The following FAM81A variants were observed in gnomAD, a reference collection of about 807,000 sequenced individuals.
FAM81A encodes the protein protein FAM81A.
FAM81A carries 19 observed loss-of-function variants against 46.7 expected under a neutral mutation model. The observed-to-expected ratio is 0.41, with a 90% CI of 0.28 to 0.60. The LOEUF (loss-of-function observed/expected upper bound fraction) is 0.60, where lower values mean the gene tolerates loss of function less well. Ranked by LOEUF, FAM81A falls within the 20% of genes least tolerant of loss-of-function variation. The pLI, the probability that FAM81A is intolerant of heterozygous loss-of-function variation, is 0.34. For missense variants in FAM81A, 377 were observed against 453.5 expected (o/e 0.83, Z 1.53); for synonymous variants, 183 against 152.9 (o/e 1.20, Z -1.45).
At chr15:59,452,318 A>C (rs1173363997) in intron 1 of FAM81A, among the ~76,000 whole-genome samples, 2 of 152,208 alleles carry the variant, frequency 1.3e-5, no homozygotes, top group Admixed American at 1.3e-4. Context: ...CAATTATGGG[A>C]GATCCATTCA....
chr15:59,419,647 G>A (rs965856093), intron 2 of FAM81A, among the ~76,000 whole-genome samples: 2 of 152,174 alleles, frequency 1.3e-5, no homozygotes, highest in African/African-American at 2.4e-5. Flanking sequence ...GCCGAGGCGG[G>A]CAGATTGCTT....
At chr15:59,401,927 C>T in intron 1 of FAM81A, 1 of 753,370 alleles carries the variant, frequency 1.3e-6, no homozygotes, top group South Asian at 1.4e-5. Flanking sequence ...GACTTTCTTT[C>T]TTTCTCTTTT....
intron 2 of FAM81A, chr15:59,407,203 C>A: frequency 1.3e-5 from 2 of 154,432 alleles, no homozygotes; most frequent in South Asian, 3.6e-4. Flanking sequence ...CTTACCTTCC[C>A]CTTGATAATG....
At chr15:59,425,257 T>A (rs1397327876) in intron 2 of FAM81A, among the ~76,000 whole-genome samples, 1 of 152,170 alleles carries the variant, frequency 6.6e-6, no homozygotes, top group Non-Finnish European at 1.5e-5. Flanking sequence ...TCTAGGTGCT[T>A]GATGGATGAA....
intron 1 of FAM81A, among the ~76,000 whole-genome samples, chr15:59,447,312 A>G (rs1227460347): frequency 2.6e-5 from 4 of 152,178 alleles, no homozygotes; most frequent in African/African-American, 4.8e-5. Context: ...AAGGATGCCT[A>G]ATGTCTTAGA....
chr15:59,413,708 G>T (rs1296995103), intron 2 of FAM81A, among the ~76,000 whole-genome samples: 1 of 152,098 alleles, frequency 6.6e-6, no homozygotes, highest in African/African-American at 2.4e-5. Context: ...ATAGCTTGAG[G>T]CCAGAGTCTG....
At chr15:59,489,189 T>C (rs1012522198) in intron 3 of FAM81A, among the ~76,000 whole-genome samples, 1 of 151,910 alleles carries the variant, frequency 6.6e-6, no homozygotes, top group Non-Finnish European at 1.5e-5. Flanking sequence ...GGCATGAACC[T>C]GGGAGGCGGA....
At chr15:59,519,468 C>T in intron 8 of FAM81A, among the ~76,000 whole-genome samples, 1 of 148,692 alleles carries the variant, frequency 6.7e-6, no homozygotes, top group Admixed American at 6.7e-5. Flanking sequence ...CCCTCCCTCC[C>T]TCCTTTCCTT....
At chr15:59,476,798 T>C (rs181247975) in intron 3 of FAM81A, among the ~76,000 whole-genome samples, 84 of 148,054 alleles carry the variant, frequency 5.7e-4, no homozygotes, top group African/African-American at 2.0e-3. Flanking sequence ...TCTAAATAAA[T>C]AAATAAATTG....
At chr15:59,462,028 C>T (rs2081557318) in intron 3 of FAM81A, among the ~76,000 whole-genome samples, 1 of 151,892 alleles carries the variant, frequency 6.6e-6, no homozygotes, top group Admixed American at 6.6e-5. Flanking sequence ...ACAGTGAAAC[C>T]CCATCTCTAC....
chr15:59,433,772 T>C (rs1258385154), upstream of FAM81A, among the ~76,000 whole-genome samples: 1 of 152,250 alleles, frequency 6.6e-6, no homozygotes, highest in Non-Finnish European at 1.5e-5. Context: ...TAGTTGGTTA[T>C]TCACAGAATA....
intron 3 of FAM81A, among the ~76,000 whole-genome samples, chr15:59,463,744 T>C (rs1163608633): frequency 3.5e-5 from 2 of 57,876 alleles, no homozygotes; most frequent in African/African-American, 9.2e-5. Flanking sequence ...TTGGGGAGAG[T>C]TGCCATCTTA....
intron 3 of FAM81A, among the ~76,000 whole-genome samples, chr15:59,487,466 C>G (rs940907498): frequency 6.6e-6 from 1 of 150,814 alleles, no homozygotes; most frequent in African/African-American, 2.4e-5. Context: ...ATCAATGAAA[C>G]AAAAAGTTGG....
intron 1 of FAM81A, among the ~76,000 whole-genome samples, chr15:59,398,403 T>C (rs545729366): frequency 5.3e-5 from 8 of 152,292 alleles, no homozygotes; most frequent in Admixed American, 3.3e-4. Flanking sequence ...ACTTCCCTTT[T>C]ACACAAATGA....
rs2081533570 is a variant in FAM81A at position 59,460,096 on chromosome 15, T to A, written c.184T>A (p.Leu62Met). 1 of 1,613,998 alleles carries A rather than the reference T, an allele frequency of 6.2e-7. No homozygotes were observed. The highest frequency in any genetic ancestry group is 8.5e-7 in the Non-Finnish European group (1 of 1,179,878). Residue 62 changes from leucine to methionine, a missense_variant, in exon 3 of 9, where the codon TTG becomes ATG. Physicochemically the swap from Leu to Met is conservative, Grantham distance 15. Coordinates refer to ENST00000288228, the MANE Select transcript of FAM81A (RefSeq NM_152450.3). This position sits in a 1 kb window ranked among gnomAD's most constrained non-coding sequence, Gnocchi z 4.4. The stretch of plus-strand genomic sequence containing the variant: ...GATTAAAGATGACATTGTCAACAGT[T>A]TGCAGAAAATGCAAAACAAAGGGGG... ...FRIKDDIVNS[L>M]QKMQNKGGGD...
intron 4 of FAM81A, among the ~76,000 whole-genome samples, chr15:59,496,159 G>A (rs759641525): frequency 1.3e-5 from 2 of 151,706 alleles, no homozygotes; most frequent in South Asian, 2.1e-4. Flanking sequence ...CTTACATTTA[G>A]GCCTGTGATC....
chr15:59,405,085 T>C (rs1482986776), intron 2 of FAM81A, among the ~76,000 whole-genome samples: 1 of 152,212 alleles, frequency 6.6e-6, no homozygotes, highest in Non-Finnish European at 1.5e-5. Flanking sequence ...CTCAAAGCCC[T>C]GCTAACATGT....
intron 3 of FAM81A, among the ~76,000 whole-genome samples, chr15:59,465,342 G>A (rs1353143069): frequency 6.6e-6 from 1 of 152,110 alleles, no homozygotes; most frequent in Non-Finnish European, 1.5e-5. Flanking sequence ...GCGTGATATT[G>A]GCTCACGGCA....
At chr15:59,426,345 G>A (rs2081194302) in intron 2 of FAM81A, among the ~76,000 whole-genome samples, 1 of 152,164 alleles carries the variant, frequency 6.6e-6, no homozygotes, top group African/African-American at 2.4e-5. Context: ...GATGGCTCTT[G>A]CCTGTAATCC....
Sources: gnomAD v4.1 joint callset for allele counts (sites outside exome capture counted in the v4.1 genomes callset) on GRCh38, gnomAD v4.1.1 for gene constraint, Gnocchi (gnomAD v3.1) non-coding constraint, MANE v1.5 for transcripts, NCBI Gene and HGNC (gene_info 2026-07-23, HGNC 2026-07-21) for gene names.